The following PCDHA9 variants were observed in gnomAD, a reference collection of about 807,000 sequenced individuals.
PCDHA9 encodes protocadherin alpha-9.
PCDHA9 carries 62 observed loss-of-function variants against 62.0 expected under a neutral mutation model. The ratio of observed to expected loss-of-function variants is 1.00; its 90% CI spans 0.81 to 1.23. The LOEUF is 1.23. PCDHA9 is among the 50% of genes most tolerant of loss of function. The pLI is 0.00. For missense variants in PCDHA9, 1,205 were observed against 1,249.8 expected (o/e 0.96, Z 0.54); for synonymous variants, 557 against 567.6 (o/e 0.98, Z 0.27).
intron 3 of PCDHA9, among the ~76,000 whole-genome samples, chr5:140,999,591 C>T (rs2153957965): frequency 1.3e-5 from 2 of 152,208 alleles, no homozygotes; most frequent in South Asian, 4.2e-4. Flanking sequence ...AATTGCCTTC[C>T]CTACATCCTG....
intron 1 of PCDHA9, chr5:140,966,584 G>C (rs1227691524): frequency 7.4e-6 from 4 of 541,586 alleles, no homozygotes; most frequent in African/African-American, 6.0e-5. Context: ...CAGCGAGGAC[G>C]GTGGGGCCAG....
Position 140,849,896 on chromosome 5 carries a change from CA to C in PCDHA9, c.1403del (p.Asn468ThrfsTer68). Reference protein sequence around the residue: ...SEYTVFVKENNPPGCHIFTVS... With the variant: ...SEYTVFVKENXPPGCHIFTVS... The stretch of plus-strand genomic sequence containing the variant: ...AGTACACGGTGTTCGTGAAGGAGAA[CA>C]ACCCGCCGGGCTGCCACATCTTCAC... On this transcript the variant is annotated frameshift_variant, in exon 1 of 4. Coordinates refer to ENST00000532602, the MANE Select transcript of PCDHA9 (RefSeq NM_031857.2). LOFTEE classifies it high-confidence loss of function. 6.3e-7 allele frequency: 1 copy of C among 1,598,590 alleles called. No individual in the cohort carries two copies. Among genetic ancestry groups the C allele is most frequent in the Non-Finnish European group, 8.6e-7 (1 of 1,167,992 alleles).
intron 1 of PCDHA9, among the ~76,000 whole-genome samples, chr5:140,933,127 A>G (rs1311388252): frequency 6.6e-6 from 1 of 151,992 alleles, no homozygotes; most frequent in East Asian, 1.9e-4. Flanking sequence ...AAGCTAAATA[A>G]TAAAGGTAGA....
At chr5:140,888,695 A>G (rs1161003821) in intron 1 of PCDHA9, among the ~76,000 whole-genome samples, 3 of 152,094 alleles carry the variant, frequency 2.0e-5, no homozygotes, top group African/African-American at 7.2e-5. Flanking sequence ...CTCTTCTCTG[A>G]TTGGTAGGAA....
intron 1 of PCDHA9, among the ~76,000 whole-genome samples, chr5:140,916,438 A>G (rs975528805): frequency 4.6e-5 from 7 of 152,234 alleles, no homozygotes; most frequent in Admixed American, 4.6e-4. Flanking sequence ...TAAGGCCCAC[A>G]GTATACTACC....
intron 3 of PCDHA9, among the ~76,000 whole-genome samples, chr5:140,997,115 C>A (rs537421169): frequency 9.2e-5 from 14 of 152,116 alleles, no homozygotes; most frequent in Non-Finnish European, 1.6e-4. Flanking sequence ...TCCTGCTCTC[C>A]CACATACACA....
chr5:140,959,642 A>G (rs1352450996), intron 1 of PCDHA9, among the ~76,000 whole-genome samples: 7 of 152,230 alleles, frequency 4.6e-5, no homozygotes, highest in African/African-American at 1.7e-4. Flanking sequence ...GAAAAAACAC[A>G]GAAGCAAAAT....
intron 1 of PCDHA9, chr5:140,876,833 C>T: frequency 3.1e-6 from 5 of 1,614,176 alleles, no homozygotes; most frequent in Non-Finnish European, 4.2e-6. Context: ...AATGCGCCTG[C>T]GTTCGCGCAG....
At chr5:140,852,885 A>AT (rs2150523673) in intron 1 of PCDHA9, 18,210 of 741,434 alleles carry the variant, frequency 0.025, 18 homozygotes, top group Non-Finnish European at 0.027. Context: ...CATAAAACGT[A>AT]TTTTTTTTTT....
At chr5:140,968,729 A>G (rs1563381706) in intron 1 of PCDHA9, 1 of 1,614,134 alleles carries the variant, frequency 6.2e-7, no homozygotes, top group Non-Finnish European at 8.5e-7. Flanking sequence ...GAGTGGTAGC[A>G]CTTTCAACCT....
chr5:140,978,680 T>C (rs2096816388), intron 1 of PCDHA9, among the ~76,000 whole-genome samples: 1 of 152,240 alleles, frequency 6.6e-6, no homozygotes, highest in Non-Finnish European at 1.5e-5. Context: ...CAGACATGTA[T>C]TGGGCAAGGC....
chr5:140,952,582 G>A (rs552541968), intron 1 of PCDHA9, among the ~76,000 whole-genome samples: 4 of 152,220 alleles, frequency 2.6e-5, no homozygotes, highest in East Asian at 3.9e-4. Context: ...AATCATTCAA[G>A]TAGTCTCTAG....
At chr5:141,005,490 TC>T (rs1451220963) in intron 3 of PCDHA9, among the ~76,000 whole-genome samples, 1 of 151,242 alleles carries the variant, frequency 6.6e-6, no homozygotes. Flanking sequence ...GATCATGAGG[TC>T]AGGAGATCGA....
intron 1 of PCDHA9, chr5:140,966,244 G>C (rs1302762597): frequency 3.2e-6 from 1 of 315,708 alleles, no homozygotes; most frequent in Non-Finnish European, 5.7e-6. Context: ...CGTTAAGCAG[G>C]GGAGAGACGG....
At chr5:140,941,375 G>A (rs1441847516) in intron 1 of PCDHA9, among the ~76,000 whole-genome samples, 1 of 134,938 alleles carries the variant, frequency 7.4e-6, no homozygotes, top group Non-Finnish European at 1.5e-5. Context: ...GGAGTGTAGT[G>A]ACAGGATTTT....
Position 140,961,969 on chromosome 5 carries a change from C to A in PCDHA9, c.2395-16980C>A, listed in dbSNP as rs188846719. ...CATGATCTCGGCTCACTGCAACCTCCGCCTCCTGGGTTCACGCCATTGTCC... is the reference window on the plus strand; with the variant it reads ...CATGATCTCGGCTCACTGCAACCTCAGCCTCCTGGGTTCACGCCATTGTCC... On this transcript the variant is annotated intron_variant, in intron 1 of 3. Transcript: ENST00000532602. 8.7e-4 allele frequency among the ~76,000 whole-genome samples: 132 copies of A among 151,904 alleles called. 1 individual carries two copies. Among genetic ancestry groups the A allele is most frequent in the African/African-American group, 3.0e-3 (126 of 41,408 alleles).
chr5:140,871,211 T>A (rs781784103), intron 1 of PCDHA9: 1 of 1,613,724 alleles, frequency 6.2e-7, no homozygotes, highest in Non-Finnish European at 8.5e-7. Flanking sequence ...ATCATCGCCA[T>A]CTGCGTGGTG....
chr5:140,888,210 T>G (rs1395913579), intron 1 of PCDHA9, among the ~76,000 whole-genome samples: 1 of 152,080 alleles, frequency 6.6e-6, no homozygotes, highest in East Asian at 1.9e-4. Context: ...ATGCTGGATT[T>G]TGTGTGTGTG....
At chr5:140,853,280 T>C in intron 1 of PCDHA9, 1 of 980,192 alleles carries the variant, frequency 1.0e-6, no homozygotes, top group South Asian at 4.8e-5. Context: ...TCTCATCATA[T>C]GCAAATTCTC....
Sources: gnomAD v4.1 joint callset for allele counts (sites outside exome capture counted in the v4.1 genomes callset) on GRCh38, gnomAD v4.1.1 for gene constraint, MANE v1.5 for transcripts, NCBI Gene and HGNC (gene_info 2026-07-23, HGNC 2026-07-21) for gene names.